ANKS1B: variants seen among roughly 807,000 people sequenced by gnomAD.
ANKS1B encodes ankyrin repeat and sterile alpha motif domain-containing protein 1B.
Under a neutral mutation model 148.3 loss-of-function variants are expected in ANKS1B, and 36 were observed. That is an observed-to-expected ratio of 0.24 (90% CI 0.19 to 0.32). ANKS1B has a LOEUF of 0.32. Ranked by LOEUF, ANKS1B falls within the 10% of genes least tolerant of loss-of-function variation. The pLI is 1.00. For synonymous variants in ANKS1B, 542 were observed against 560.8 expected (o/e 0.97, Z 0.47); for missense variants, 1,157 against 1,542.6 (o/e 0.75, Z 4.19).
intron 11 of ANKS1B, among the ~76,000 whole-genome samples, chr12:99,412,516 A>C (rs2094746246): frequency 2.6e-5 from 4 of 152,170 alleles, no homozygotes; most frequent in Non-Finnish European, 5.9e-5. Context: ...TCATTGTTCC[A>C]GTGACATCTT....
chr12:99,276,187 G>A (rs1044257893), intron 12 of ANKS1B, among the ~76,000 whole-genome samples: 2 of 152,134 alleles, frequency 1.3e-5, no homozygotes, highest in Non-Finnish European at 2.9e-5. Context: ...AATGAGAGTT[G>A]AGTTAGAGAA....
chr12:98,812,917 T>C (rs1456687931), intron 19 of ANKS1B, among the ~76,000 whole-genome samples: 6 of 152,122 alleles, frequency 3.9e-5, no homozygotes, highest in African/African-American at 1.4e-4. Flanking sequence ...CAGTAAATAA[T>C]TTGTCAGGCT....
chr12:99,419,147 T>G (rs752583976), intron 11 of ANKS1B, among the ~76,000 whole-genome samples: 25 of 152,176 alleles, frequency 1.6e-4, no homozygotes, highest in Non-Finnish European at 2.9e-4. Flanking sequence ...CATTCCCCCA[T>G]TTTCTTTTTT....
rs538248193 is a variant in ANKS1B, at chr12:99,671,021, C to T, written c.1129-15811G>A. ...GAGATCAAAAAATAGAAAGCTTCTA[C>T]GTATTAGATACAAAAGGATTCAGAG... On this transcript the variant is annotated intron_variant, in intron 8 of 26. Transcript: ENST00000683438. 1.6e-3 allele frequency among the ~76,000 whole-genome samples: 244 copies of T among 152,266 alleles called. 1 individual carries two copies. Among genetic ancestry groups the T allele is most frequent in the African/African-American group, 5.6e-3 (233 of 41,568 alleles).
At chr12:99,196,485 A>T (rs2081389572) in intron 14 of ANKS1B, among the ~76,000 whole-genome samples, 1 of 152,124 alleles carries the variant, frequency 6.6e-6, no homozygotes, top group South Asian at 2.1e-4. Flanking sequence ...CATTCTGTCA[A>T]TTACCACCAG....
chr12:99,280,295 T>C (rs2078244811), intron 12 of ANKS1B, among the ~76,000 whole-genome samples: 1 of 152,158 alleles, frequency 6.6e-6, no homozygotes, highest in Non-Finnish European at 1.5e-5. Flanking sequence ...CATGCAGCTA[T>C]ATGGTTTGGC....
At chr12:99,275,882 ATTCATC>A (rs1202048047) in intron 12 of ANKS1B, among the ~76,000 whole-genome samples, 1 of 152,252 alleles carries the variant, frequency 6.6e-6, no homozygotes, top group Non-Finnish European at 1.5e-5. Flanking sequence ...AACCTGCTAA[ATTCATC>A]TTCAGTCTCA....
rs763778060 is a variant in ANKS1B at position 99,154,400 on chromosome 12, A to G, written c.2420-5T>C. The G allele has an allele frequency of 6.2e-7, 1 of 1,613,732 alleles. No individual in the cohort carries two copies. Among genetic ancestry groups the G allele is most frequent in the Non-Finnish European group, 8.5e-7 (1 of 1,179,732 alleles). The stretch of plus-strand genomic sequence containing the variant: ...TTTGGACAGGGCATCTGGGTCCTGT[A>G]AGAGGATGAAGAGGGAAGCGTTTAA... On this transcript the variant is annotated splice_region_variant and splice_polypyrimidine_tract_variant and intron_variant, in intron 14 of 26. Coordinates refer to ENST00000683438, the MANE Select transcript of ANKS1B (RefSeq NM_001352186.2).
chr12:99,439,524 C>T (rs796789462), intron 11 of ANKS1B, among the ~76,000 whole-genome samples: 1 of 151,628 alleles, frequency 6.6e-6, no homozygotes, highest in South Asian at 2.1e-4. Context: ...AAAAGAAGAT[C>T]TAAGAATTGG....
chr12:99,784,168 C>CTTTT (rs71088155), intron 4 of ANKS1B, among the ~76,000 whole-genome samples: 69 of 110,848 alleles, frequency 6.2e-4, no homozygotes, highest in Non-Finnish European at 8.8e-4. Flanking sequence ...ACTGAACTTT[C>CTTTT]TTTTTTTTTT....
At chr12:99,033,663 CA>C (rs771304039) in intron 17 of ANKS1B, among the ~76,000 whole-genome samples, 15,969 of 140,938 alleles carry the variant, frequency 0.11, 1,056 homozygotes, top group Non-Finnish European at 0.17. Flanking sequence ...GACTCCATCT[CA>C]AAAAAAAAAA....
At chr12:99,561,589 G>T (rs2097336432) in intron 9 of ANKS1B, among the ~76,000 whole-genome samples, 1 of 151,868 alleles carries the variant, frequency 6.6e-6, no homozygotes, top group Non-Finnish European at 1.5e-5. Context: ...CTCAGGAGTT[G>T]ATTTTGTCTC....
chr12:99,729,327 TCTGTAAGTAA>T (rs1159458127), intron 8 of ANKS1B, among the ~76,000 whole-genome samples: 1 of 152,306 alleles, frequency 6.6e-6, no homozygotes, highest in Admixed American at 6.5e-5. Flanking sequence ...TCTTTGTTCC[TCTGTAAGTAA>T]TGAAGTTTTG....
rs757227398 is a variant in ANKS1B at position 99,246,514 on chromosome 12, C to A, written c.2107G>T (p.Val703Phe). 2 of 1,613,236 alleles carry A rather than the reference C, an allele frequency of 1.2e-6. No individual in the cohort carries two copies. The highest frequency in any genetic ancestry group is 1.7e-6 in the Non-Finnish European group (2 of 1,179,696). Residue 703 changes from valine to phenylalanine, a missense_variant, in exon 13 of 27, where the codon GTT (valine) becomes TTT (phenylalanine). Coordinates refer to ENST00000683438, the MANE Select transcript of ANKS1B (RefSeq NM_001352186.2). Reference sequence around the variant, plus strand: ...TCCACAAATCCCCCTGCGTTCATAACCCACTGGTCCCCATTCCGAGATCCA... The same window carrying A: ...TCCACAAATCCCCCTGCGTTCATAAACCACTGGTCCCCATTCCGAGATCCA... ...RSGSRNGDQW[V>F]MNAGGFVERA...
chr12:99,414,750 G>A (rs910324128), intron 11 of ANKS1B, among the ~76,000 whole-genome samples: 1 of 152,200 alleles, frequency 6.6e-6, no homozygotes, highest in Non-Finnish European at 1.5e-5. Context: ...GTTGATGGGT[G>A]CAACAAACCA....
chr12:99,848,479 T>C (rs2087090781), intron 1 of ANKS1B, among the ~76,000 whole-genome samples: 1 of 152,138 alleles, frequency 6.6e-6, no homozygotes, highest in African/African-American at 2.4e-5. Context: ...AAGTACCATA[T>C]ATCACGATAA....
chr12:98,832,282 T>A, intron 17 of ANKS1B, 146 bp from the exon 18 acceptor site: 2 of 633,032 alleles, frequency 3.2e-6, no homozygotes, highest in Non-Finnish European at 5.3e-6. Flanking sequence ...ACCGCTGAAG[T>A]CCAGAAAGAT....
rs975098039 is a variant in ANKS1B, at chr12:98,904,859, A to G, written c.2779-72723T>C. Among the ~76,000 whole-genome samples, 7 of 72,464 alleles carry G rather than the reference A, an allele frequency of 9.7e-5. No individual in the cohort carries two copies. In the Admixed American group the frequency reaches 1.1e-3, roughly 12 times the overall value. 47.5% of individuals were successfully genotyped at this position (72,464 alleles called of 152,430 possible). Reference sequence around the variant, plus strand: ...GGATTATTATTATTATTTCAGTATCACTTTTTTTTTTTCCCAAATGTAAAA... The same window carrying G: ...GGATTATTATTATTATTTCAGTATCGCTTTTTTTTTTTCCCAAATGTAAAA... On this transcript the variant is annotated intron_variant, in intron 17 of 26. Transcript: ENST00000683438.
At chr12:99,260,188 A>G (rs1305132477) in intron 12 of ANKS1B, among the ~76,000 whole-genome samples, 1 of 152,224 alleles carries the variant, frequency 6.6e-6, no homozygotes, top group Non-Finnish European at 1.5e-5. Context: ...AATGTGAAAA[A>G]AGAACTATTC....
Sources: gnomAD v4.1 joint callset for allele counts (sites outside exome capture counted in the v4.1 genomes callset) on GRCh38, gnomAD v4.1.1 for gene constraint, MANE v1.5 for transcripts, NCBI Gene and HGNC (gene_info 2026-07-23, HGNC 2026-07-21) for gene names.